VCF1: variants seen among roughly 807,000 people sequenced by gnomAD.
VCF1 encodes the protein protein VCF1.
At chr17:73,229,971 C>A in the VCF1 span, among the ~76,000 whole-genome samples, 74 of 145,442 alleles carry the variant, frequency 5.1e-4, no homozygotes, top group East Asian at 0.015. Context: ...TAAAAAAATT[C>A]TCTCTATATA....
the VCF1 span, among the ~76,000 whole-genome samples, chr17:73,218,244 A>G: frequency 2.0e-5 from 3 of 152,240 alleles, no homozygotes; most frequent in African/African-American, 7.2e-5. Context: ...GTGTCCAATA[A>G]TTTCAGAAAA....
At chr17:73,218,013 T>C in the VCF1 span, among the ~76,000 whole-genome samples, 1 of 152,238 alleles carries the variant, frequency 6.6e-6, no homozygotes. Flanking sequence ...TTATTTTCTG[T>C]CAAGCCCCAG....
At chr17:73,208,211 G>T in the VCF1 span, 832 of 1,596,258 alleles carry the variant, frequency 5.2e-4, 11 homozygotes, top group African/African-American at 0.01. Context: ...TCTCAGCTCC[G>T]CTTGTGTGTG....
chr17:73,220,731 C>T, the VCF1 span, among the ~76,000 whole-genome samples: 18 of 150,948 alleles, frequency 1.2e-4, no homozygotes, highest in East Asian at 7.8e-4. Flanking sequence ...AGACATGGCC[C>T]GGCAGCCACT....
the VCF1 span, chr17:73,227,264 C>T: frequency 1.3e-6 from 2 of 1,548,676 alleles, no homozygotes; most frequent in African/African-American, 2.8e-5. Context: ...TTCTCCTTTT[C>T]CTGAAATTAA....
the VCF1 span, among the ~76,000 whole-genome samples, chr17:73,210,475 TC>T: frequency 1.3e-5 from 2 of 151,414 alleles, no homozygotes; most frequent in African/African-American, 4.8e-5. Flanking sequence ...AGAGTCACTT[TC>T]ATTCTGCAGT....
chr17:73,225,899 A>ATATATATATATATATATATAT, the VCF1 span, among the ~76,000 whole-genome samples: 1 of 114,862 alleles, frequency 8.7e-6, no homozygotes, highest in African/African-American at 3.8e-5. Context: ...ATATATATAT[A>ATATATATATATATATATATAT]TTTTTTTTTT....
At chr17:73,211,482 C>T in the VCF1 span, among the ~76,000 whole-genome samples, 4 of 150,256 alleles carry the variant, frequency 2.7e-5, no homozygotes, top group Non-Finnish European at 5.9e-5. Flanking sequence ...GGCAGGAGAT[C>T]GCTTGAACCT....
the VCF1 span, chr17:73,209,447 T>C: frequency 6.7e-7 from 1 of 1,493,478 alleles, no homozygotes; most frequent in Non-Finnish European, 9.0e-7. Flanking sequence ...TGTGCAATTT[T>C]TCTTTTAAAA....
chr17:73,221,510 C>A, the VCF1 span, among the ~76,000 whole-genome samples: 117 of 147,172 alleles, frequency 7.9e-4, 1 homozygote, highest in Non-Finnish European at 1.3e-3. Context: ...TTGATAAAAT[C>A]ATTTCACTTC....
At chr17:73,229,594 G>A in the VCF1 span, 7 of 985,072 alleles carry the variant, frequency 7.1e-6, no homozygotes, top group Admixed American at 1.2e-4. Context: ...GGCTGGGCAC[G>A]GTGACTCACA....
At chr17:73,209,368 C>T in the VCF1 span, 3 of 983,606 alleles carry the variant, frequency 3.1e-6, no homozygotes, top group South Asian at 3.5e-5. Flanking sequence ...GCAGCAAAAC[C>T]ACAAGTAAAC....
the VCF1 span, among the ~76,000 whole-genome samples, chr17:73,225,312 G>A: frequency 7.9e-5 from 12 of 151,956 alleles, no homozygotes; most frequent in African/African-American, 2.7e-4. Context: ...ACCAATGCAC[G>A]GATTTTAGAA....
the VCF1 span, chr17:73,229,422 T>C: frequency 1.0e-6 from 1 of 985,346 alleles, no homozygotes; most frequent in Non-Finnish European, 1.2e-6. Context: ...CAGGCACCCC[T>C]ATAACTGATT....
At chr17:73,210,757 A>AAT in the VCF1 span, among the ~76,000 whole-genome samples, 19 of 135,104 alleles carry the variant, frequency 1.4e-4, 6 homozygotes, top group East Asian at 2.2e-4. Context: ...ATGCCTCGTT[A>AAT]TTTTTTTTTT....
At chr17:73,226,809 A>C in the VCF1 span, among the ~76,000 whole-genome samples, 16 of 152,248 alleles carry the variant, frequency 1.1e-4, no homozygotes, top group Non-Finnish European at 2.1e-4. Context: ...GAATTGAAGC[A>C]ACAAAATATG....
chr17:73,215,463 G>A, the VCF1 span, among the ~76,000 whole-genome samples: 16 of 151,954 alleles, frequency 1.1e-4, no homozygotes, highest in Non-Finnish European at 1.6e-4. Context: ...TTGTAGAGAC[G>A]AGGTCTCACT....
the VCF1 span, among the ~76,000 whole-genome samples, chr17:73,219,880 T>A: frequency 4.0e-4 from 60 of 150,722 alleles, no homozygotes; most frequent in Non-Finnish European, 7.2e-4. Context: ...GAGGCTGAGG[T>A]GGGAGGATCA....
chr17:73,208,211 G>A, the VCF1 span: 54 of 1,596,144 alleles, frequency 3.4e-5, no homozygotes, highest in Non-Finnish European at 4.4e-5. Flanking sequence ...TCTCAGCTCC[G>A]CTTGTGTGTG....
Sources: gnomAD v4.1 joint callset for allele counts (sites outside exome capture counted in the v4.1 genomes callset) on GRCh38, gnomAD v4.1.1 for gene constraint, MANE v1.5 for transcripts, NCBI Gene and HGNC (gene_info 2026-07-23, HGNC 2026-07-21) for gene names.